SIDT2: variants seen among roughly 807,000 people sequenced by gnomAD.
SIDT2 encodes the protein SID1 transmembrane family member 2.
A neutral mutation model predicts 114.4 loss-of-function variants in SIDT2; 68 were observed. The observed-to-expected ratio is 0.59, with a 90% CI of 0.49 to 0.73. The LOEUF (loss-of-function observed/expected upper bound fraction) is 0.73. Ranked by LOEUF, SIDT2 falls within the 30% of genes least tolerant of loss-of-function variation. The pLI, the probability that SIDT2 is intolerant of heterozygous loss-of-function variation, is 0.00. For synonymous variants in SIDT2, 470 were observed against 438.4 expected (o/e 1.07, Z -0.90); for missense variants, 918 against 1,097.1 (o/e 0.84, Z 2.31).
intron 1 of SIDT2, among the ~76,000 whole-genome samples, chr11:117,180,174 C>T (rs921296037): frequency 6.6e-6 from 1 of 152,174 alleles, no homozygotes; most frequent in Non-Finnish European, 1.5e-5. Flanking sequence ...GCCCGGGTCT[C>T]TTGCTCTCTC....
At chr11:117,193,643 A>C (rs1047818613) in intron 23 of SIDT2, among the ~76,000 whole-genome samples, 1 of 151,496 alleles carries the variant, frequency 6.6e-6, no homozygotes, top group Non-Finnish European at 1.5e-5. Context: ...GTCCCGACAC[A>C]GGGTTCTGGA....
At position 117,179,322 on chromosome 11, in the gene SIDT2, T is replaced by C; in HGVS notation, c.59T>C (p.Leu20Pro). The C allele has an allele frequency of 6.2e-7, 1 of 1,614,154 alleles. No individual in the cohort carries two copies. Among genetic ancestry groups the C allele is most frequent in the South Asian group, 1.1e-5 (1 of 91,080 alleles). The change falls in exon 1 of 26, where the codon CTG (leucine) becomes CCG (proline). Residue 20 changes from leucine (L) to proline (P), a missense_variant. Physicochemically the swap from Leu to Pro is moderately conservative, Grantham distance 98 (BLOSUM62 -3). Around this residue, in one of 4 missense-constraint regions of SIDT2, gnomAD observed 553 missense variants for 600.1 expected, o/e 0.92. Transcript: ENST00000324225. ...TTGGTGGCCTCGGTCGAGAGCCATC[T>C]GGGGGTTCTGGGGCCCAAGAACGTC... ...VLLVASVESH[L>P]GVLGPKNVSQ...
At chr11:117,186,938 C>A in intron 10 of SIDT2, 1 of 1,485,504 alleles carries the variant, frequency 6.7e-7, no homozygotes, top group Non-Finnish European at 9.0e-7. Flanking sequence ...CTCTCTCTTC[C>A]ACCCCTCCCT....
At position 117,192,166 on chromosome 11, in the gene SIDT2, T is replaced by TGGCTGAGCAGCCAGCCC; in HGVS notation, c.1873-87_1873-71dup. ...CTGGGCCCCTCTCAGAGTCCCAGCC[T>TGGCTGAGCAGCCAGCCC]GGCTGAGCAGCCAGCCCCAGGAAGG... On this transcript the variant is annotated intron_variant, in intron 19 of 25. Transcript: ENST00000324225. The surrounding 1 kb of genome is among the most constrained non-coding windows in gnomAD (Gnocchi z 5.9). 6.6e-7 allele frequency: 1 copy of TGGCTGAGCAGCCAGCCC among 1,505,156 alleles called. No individual in the cohort carries two copies. The highest frequency in any genetic ancestry group is 1.2e-5 in the South Asian group (1 of 86,388). 93.2% of individuals were successfully genotyped at this position (1,505,156 alleles called of 1,614,324 possible).
chr11:117,188,796 C>A lies in SIDT2; in HGVS notation c.1248C>A (p.Ile416=), dbSNP rs764332339. ...EEDDYDTLTD[I]DSDKNVIRTK... ...ATGACTACGACACATTGACCGACAT[C>A]GATTCCGACAAGAATGTCATTCGCA... The change falls in exon 13 of 26, where the codon ATC becomes ATA. Residue 416 remains isoleucine, a synonymous_variant. Coordinates refer to ENST00000324225, the MANE Select transcript of SIDT2 (RefSeq NM_001040455.2). This position sits in a 1 kb window ranked among gnomAD's most constrained non-coding sequence, Gnocchi z 4.0. 3 of 1,614,160 alleles carry A rather than the reference C, an allele frequency of 1.9e-6. 1 individual carries two copies. In the South Asian group the frequency reaches 3.3e-5, roughly 18 times the overall value.
chr11:117,183,458 T>C (rs1368072959), intron 6 of SIDT2, among the ~76,000 whole-genome samples: 1 of 151,964 alleles, frequency 6.6e-6, no homozygotes, highest in Non-Finnish European at 1.5e-5. Context: ...GCCAACATGG[T>C]GAAACCCCAT....
At chr11:117,184,764 C>T (rs1591767373) in intron 8 of SIDT2, among the ~76,000 whole-genome samples, 2 of 151,996 alleles carry the variant, frequency 1.3e-5, no homozygotes, top group African/African-American at 4.8e-5. Flanking sequence ...CTTGCTCTGT[C>T]ACCCAGGCTG....
chr11:117,193,882 C>T lies in SIDT2; in HGVS notation c.2241C>T (p.Ile747=), dbSNP rs1442530054. ...GGAGTGGGGAGAGGATCAAGCTCAT[C>T]CCCCTGCTCTGCATCGTTTGCACCT... The part of the protein sequence containing the change: ...KLRSGERIKL[I]PLLCIVCTSV... The change falls in exon 24 of 26, where the codon ATC becomes ATT. Residue 747 remains isoleucine (I), a synonymous_variant. Coordinates refer to ENST00000324225, the MANE Select transcript of SIDT2 (RefSeq NM_001040455.2). 5 of 1,614,066 alleles carry T rather than the reference C, an allele frequency of 3.1e-6. No homozygotes were observed.
rs530919279 is a variant in SIDT2, at chr11:117,188,529, T to G, written c.1160-179T>G. 1 of 614,306 alleles carries G rather than the reference T, an allele frequency of 1.6e-6. No individual in the cohort carries two copies. Among genetic ancestry groups the G allele is most frequent in the Non-Finnish European group, 3.0e-6 (1 of 338,672 alleles). The allele number at this position is 614,306 out of a possible 1,614,324, so 38.1% of individuals were successfully genotyped here. A position where few individuals can be genotyped will look rare whatever the true frequency, so the allele number is the denominator to read the frequency against. On this transcript the variant is annotated intron_variant, in intron 12 of 25. Coordinates refer to ENST00000324225, the MANE Select transcript of SIDT2 (RefSeq NM_001040455.2). This position sits in a 1 kb window ranked among gnomAD's most constrained non-coding sequence, Gnocchi z 4.0. ...GAGTCTACCATCATCCCCCAGGACT[T>G]AGGAGCACCTGATGTCTCCTCCCAG...
At chr11:117,193,085 GCAGGGCAGGAA>G in intron 22 of SIDT2, 57 bp from the exon 23 acceptor site, 1 of 1,510,014 alleles carries the variant, frequency 6.6e-7, no homozygotes, top group African/African-American at 1.4e-5. Flanking sequence ...ACATGCCTAG[GCAGGGCAGGAA>G]GAGCACTTCC....
At chr11:117,184,805 A>C (rs1002672412) in intron 8 of SIDT2, among the ~76,000 whole-genome samples, 3 of 152,140 alleles carry the variant, frequency 2.0e-5, no homozygotes, top group Non-Finnish European at 2.9e-5. Context: ...TACTCACTGC[A>C]ATCTCCGCCT....
Position 117,195,596 on chromosome 11 carries a change from G to A in SIDT2, c.2323-206G>A, listed in dbSNP as rs1167659894. 2.0e-5 allele frequency among the ~76,000 whole-genome samples: 3 copies of A among 152,168 alleles called. No homozygotes were observed. The East Asian group carries it at 5.8e-4, about 29-fold the overall frequency. On this transcript the variant is annotated intron_variant, in intron 24 of 25. Coordinates refer to ENST00000324225, the MANE Select transcript of SIDT2 (RefSeq NM_001040455.2). ...AAGAGTGAAAGAAAAGGGAAGAGAA[G>A]CCAGTGAACTCAGGGAGAAGTTTGT... is the stretch of plus-strand genomic sequence containing the variant.
rs2030670281 is a variant in SIDT2 at position 117,190,768 on chromosome 11, T to C, written c.1735+28T>C. 1 of 1,569,766 alleles carries C rather than the reference T, an allele frequency of 6.4e-7. No individual in the cohort carries two copies. Among genetic ancestry groups the C allele is most frequent in the Non-Finnish European group, 8.8e-7 (1 of 1,139,670 alleles). Reference sequence around the variant, plus strand: ...GAGTGGGGCGTCCTTCTTTTCTGGCTCAACCTACAGCAGGGACCTGCCTGA... The same window carrying C: ...GAGTGGGGCGTCCTTCTTTTCTGGCCCAACCTACAGCAGGGACCTGCCTGA... On this transcript the variant is annotated intron_variant, in intron 18 of 25. Transcript: ENST00000324225. This position sits in a 1 kb window ranked among gnomAD's most constrained non-coding sequence, Gnocchi z 4.1.
chr11:117,186,008 C>A, intron 8 of SIDT2, 122 bp from the exon 9 acceptor site: 1 of 761,738 alleles, frequency 1.3e-6, no homozygotes, highest in Non-Finnish European at 2.2e-6. Flanking sequence ...CAGGGCCTTA[C>A]ATTTGAGGGG....
chr11:117,196,190 A>C lies in SIDT2; in HGVS notation c.*124A>C, dbSNP rs2030891550. 1 of 1,334,086 alleles carries C rather than the reference A, an allele frequency of 7.5e-7. No homozygotes were observed. The highest frequency in any genetic ancestry group is 1.3e-5 in the South Asian group (1 of 78,194). The allele number at this position is 1,334,086 out of a possible 1,614,324, so 82.6% of individuals were successfully genotyped here. ...CTGCCCAGCACTGGATGGCAGCAGG[A>C]CAGCCAGGTCTAGCTTAGGCTTGGC... On this transcript the variant is annotated 3_prime_UTR_variant, in exon 26 of 26. Transcript: ENST00000324225. This position sits in a 1 kb window ranked among gnomAD's most constrained non-coding sequence, Gnocchi z 4.9.
At chr11:117,187,751 G>C (rs746472900) in intron 12 of SIDT2, 52 bp downstream of exon 12, 1 of 1,578,780 alleles carries the variant, frequency 6.3e-7, no homozygotes, top group Non-Finnish European at 8.7e-7. Flanking sequence ...GTGTTGTCTG[G>C]GTAAAATGTC....
At chr11:117,186,708 C>T in intron 10 of SIDT2, 72 bp downstream of exon 10, 1 of 1,385,944 alleles carries the variant, frequency 7.2e-7, no homozygotes, top group Non-Finnish European at 9.7e-7. Flanking sequence ...TGGATGGTTC[C>T]CTAGGGGGTT....
At chr11:117,191,100 A>C in intron 18 of SIDT2, 1 of 163,204 alleles carries the variant, frequency 6.1e-6, no homozygotes, top group South Asian at 1.7e-4. Flanking sequence ...ACATGGTGAA[A>C]CCCCGTCTCT....
chr11:117,186,737 G>A (rs1254093109), intron 10 of SIDT2, 101 bp downstream of exon 10: 2 of 1,164,448 alleles, frequency 1.7e-6, no homozygotes, highest in Non-Finnish European at 2.4e-6. Flanking sequence ...AAGGGCTGGG[G>A]GTTTCTGGAT....
Sources: gnomAD v4.1 joint callset for allele counts (sites outside exome capture counted in the v4.1 genomes callset) on GRCh38, gnomAD v4.1.1 for gene constraint, gnomAD v4.1.1 regional missense constraint, Gnocchi (gnomAD v3.1) non-coding constraint, MANE v1.5 for transcripts, NCBI Gene and HGNC (gene_info 2026-07-23, HGNC 2026-07-21) for gene names.